Variants in WWOX observed in about 807,000 individuals in gnomAD.
WWOX encodes the protein WW domain containing oxidoreductase.
A neutral mutation model predicts 46.2 loss-of-function variants in WWOX; 69 were observed. That is an observed-to-expected ratio of 1.49 (90% CI 1.23 to 1.82). The LOEUF (loss-of-function observed/expected upper bound fraction) is 1.82, where lower values mean the gene tolerates loss of function less well. Among genes scored for constraint, WWOX ranks in the 40% most tolerant of loss-of-function variants. The pLI is 0.00. For synonymous variants in WWOX, 359 were observed against 202.6 expected (o/e 1.77, Z -6.56); for missense variants, 919 against 542.6 (o/e 1.69, Z -6.89).
At chr16:78,598,601 C>T (rs754738467) in intron 8 of WWOX, among the ~76,000 whole-genome samples, 1 of 152,160 alleles carries the variant, frequency 6.6e-6, no homozygotes, top group South Asian at 2.1e-4. Flanking sequence ...CACCTCCTGG[C>T]TTGGTGTGTT....
At chr16:79,178,441 C>T (rs1170986531) in intron 8 of WWOX, among the ~76,000 whole-genome samples, 7 of 151,990 alleles carry the variant, frequency 4.6e-5, no homozygotes, top group Non-Finnish European at 1.0e-4. Context: ...CTTAGCCACC[C>T]GAGTAGCTGG....
chr16:78,831,479 G>T (rs558871434), intron 8 of WWOX, among the ~76,000 whole-genome samples: 1 of 152,198 alleles, frequency 6.6e-6, no homozygotes, highest in East Asian at 1.9e-4. Context: ...AGTTTATCCT[G>T]TGGCTTTGAG....
intron 8 of WWOX, among the ~76,000 whole-genome samples, chr16:78,663,790 C>G (rs1003134582): frequency 6.6e-6 from 1 of 152,144 alleles, no homozygotes; most frequent in Non-Finnish European, 1.5e-5. Flanking sequence ...TGAAGAGAGC[C>G]ATGCAAAGAC....
At chr16:78,961,057 C>T (rs1207564364) in intron 8 of WWOX, among the ~76,000 whole-genome samples, 1 of 152,100 alleles carries the variant, frequency 6.6e-6, no homozygotes, top group African/African-American at 2.4e-5. Flanking sequence ...GGCATGATGA[C>T]CCTCAGGCCC....
intron 8 of WWOX, among the ~76,000 whole-genome samples, chr16:78,801,597 A>G (rs1167399789): frequency 6.6e-6 from 1 of 152,134 alleles, no homozygotes; most frequent in Non-Finnish European, 1.5e-5. Context: ...TTACTGGGCA[A>G]ATTTTTGAGC....
At chr16:78,336,784 A>G (rs955330851) in intron 5 of WWOX, among the ~76,000 whole-genome samples, 1 of 152,050 alleles carries the variant, frequency 6.6e-6, no homozygotes, top group Admixed American at 6.6e-5. Flanking sequence ...TAGTATTAAG[A>G]TATTCCTAGG....
intron 8 of WWOX, among the ~76,000 whole-genome samples, chr16:79,081,495 G>A (rs1054095491): frequency 4.6e-5 from 7 of 152,122 alleles, no homozygotes; most frequent in Non-Finnish European, 7.3e-5. Flanking sequence ...TCATTTTCAT[G>A]GCGATGTGTT....
chr16:78,681,653 C>T (rs2047732430), intron 8 of WWOX, among the ~76,000 whole-genome samples: 1 of 152,196 alleles, frequency 6.6e-6, no homozygotes, highest in African/African-American at 2.4e-5. Flanking sequence ...CTCCTGATCT[C>T]AGGGGAATCC....
At chr16:78,773,713 A>G (rs571426768) in intron 8 of WWOX, among the ~76,000 whole-genome samples, 1 of 152,360 alleles carries the variant, frequency 6.6e-6, no homozygotes, top group East Asian at 1.9e-4. Context: ...GTCTGAACAA[A>G]TAACCCAAAA....
intron 8 of WWOX, among the ~76,000 whole-genome samples, chr16:79,060,341 C>G (rs931196593): frequency 6.6e-6 from 1 of 152,216 alleles, no homozygotes; most frequent in African/African-American, 2.4e-5. Flanking sequence ...GCCCATGTCC[C>G]TCTCCAGTGA....
intron 8 of WWOX, among the ~76,000 whole-genome samples, chr16:78,637,171 C>T (rs761136259): frequency 7.9e-5 from 12 of 152,164 alleles, no homozygotes; most frequent in African/African-American, 1.7e-4. Flanking sequence ...TCTGTAATCC[C>T]GGCACTTTGG....
At chr16:78,240,627 G>C (rs185693054) in intron 5 of WWOX, among the ~76,000 whole-genome samples, 1 of 152,170 alleles carries the variant, frequency 6.6e-6, no homozygotes, top group Non-Finnish European at 1.5e-5. Context: ...ACTTCACAGG[G>C]TCTTTGTTCT....
intron 8 of WWOX, among the ~76,000 whole-genome samples, chr16:78,562,590 G>C (rs968720340): frequency 6.6e-6 from 1 of 152,154 alleles, no homozygotes; most frequent in African/African-American, 2.4e-5. Flanking sequence ...TGACCCTGCT[G>C]GGCCTGTCAC....
chr16:78,100,158 G>A, intron 1 of WWOX: 3 of 1,304,332 alleles, frequency 2.3e-6, no homozygotes, highest in African/African-American at 1.6e-5. Context: ...GGGCAAAGCG[G>A]CCTCATCCCC....
At chr16:78,741,671 A>G (rs985986317) in intron 8 of WWOX, among the ~76,000 whole-genome samples, 1 of 152,114 alleles carries the variant, frequency 6.6e-6, no homozygotes, top group Non-Finnish European at 1.5e-5. Context: ...GCTGGCCAAC[A>G]TGGCAAAACC....
At chr16:79,115,383 T>G (rs1485651988) in intron 8 of WWOX, among the ~76,000 whole-genome samples, 2 of 151,962 alleles carry the variant, frequency 1.3e-5, no homozygotes, top group African/African-American at 4.8e-5. Context: ...GGTCAGTAAG[T>G]AGGAAAGAAA....
At chr16:79,069,996 AT>A (rs1396607408) in intron 8 of WWOX, among the ~76,000 whole-genome samples, 1 of 152,222 alleles carries the variant, frequency 6.6e-6, no homozygotes, top group Non-Finnish European at 1.5e-5. Context: ...ATTTAGAATT[AT>A]TTTGAAACAT....
At chr16:79,008,309 CA>C (rs974514195) in intron 8 of WWOX, among the ~76,000 whole-genome samples, 2 of 152,166 alleles carry the variant, frequency 1.3e-5, no homozygotes, top group African/African-American at 4.8e-5. Flanking sequence ...AGTGAGGGCC[CA>C]GCCCCTTTTA....
chr16:78,284,143 T>A (rs2151856347), intron 5 of WWOX, among the ~76,000 whole-genome samples: 1 of 152,272 alleles, frequency 6.6e-6, no homozygotes, highest in South Asian at 2.1e-4. Flanking sequence ...GGTGGTGGTG[T>A]ACTTTGTAGG....
Sources: allele counts gnomAD v4.1 joint callset (sites outside exome capture counted in the v4.1 genomes callset), GRCh38; gene constraint gnomAD v4.1.1; transcripts MANE v1.5; gene names NCBI Gene and HGNC (gene_info 2026-07-23, HGNC 2026-07-21).